Variants in SERINC3 observed in about 807,000 individuals in gnomAD.
SERINC3 encodes serine incorporator 3.
A neutral mutation model predicts 52.1 loss-of-function variants in SERINC3; 22 were observed. That is an observed-to-expected ratio of 0.42 (90% CI 0.30 to 0.60). SERINC3 has a LOEUF of 0.60. Among genes scored for constraint, SERINC3 ranks in the 20% least tolerant of loss-of-function variants. The probability of loss-of-function intolerance (pLI) is 0.16; values close to 1 mark genes in which losing one functional copy is unlikely to be tolerated. For synonymous variants in SERINC3, 226 were observed against 212.7 expected (o/e 1.06, Z -0.54); for missense variants, 564 against 584.6 (o/e 0.96, Z 0.36).
chr20:44,511,209 C>T lies in SERINC3; in HGVS notation c.475+80G>A, dbSNP rs982438763. Reference sequence around the variant, plus strand: ...GCTTACAGGTGTGAGCCACTGCACCCGGCCTAAAATGTAGCTTTAACTCAA... The same window carrying T: ...GCTTACAGGTGTGAGCCACTGCACCTGGCCTAAAATGTAGCTTTAACTCAA... On this transcript the variant is annotated intron_variant, in intron 4 of 9. Coordinates refer to ENST00000342374, the MANE Select transcript of SERINC3 (RefSeq NM_006811.4). 2.1e-5 allele frequency: 22 copies of T among 1,038,856 alleles called. No individual in the cohort carries two copies. Among genetic ancestry groups the T allele is most frequent in the Admixed American group, 1.8e-4 (9 of 50,858 alleles). The allele number at this position is 1,038,856 out of a possible 1,614,324, so 64.4% of individuals were successfully genotyped here.
chr20:44,518,620 A>G (rs1053654713), intron 1 of SERINC3, among the ~76,000 whole-genome samples: 6 of 152,110 alleles, frequency 3.9e-5, no homozygotes, highest in African/African-American at 1.4e-4. Flanking sequence ...AAAGAAACCT[A>G]TTTGTTCTTC....
In SERINC3 at chr20:44,501,216, A is replaced by G. The variant is rs1308336838; in HGVS notation, c.1140T>C (p.Ser380=). The G allele has an allele frequency of 6.2e-7, 1 of 1,614,092 alleles. No homozygotes were observed. The highest frequency in any genetic ancestry group is 1.7e-5 in the Admixed American group (1 of 59,996). ...GTCCATCTTCTTCATCACTGGCACC[A>G]CTGGTAGTTGTATCACCAAGGATGA... ...DSVILGDTTT[S]GASDEEDGQP... Residue 380 remains serine (S), a synonymous_variant, in exon 9 of 10, where the codon AGT becomes AGC. Transcript: ENST00000342374.
At chr20:44,509,035 C>G (rs1324902471) in intron 5 of SERINC3, among the ~76,000 whole-genome samples, 1 of 152,190 alleles carries the variant, frequency 6.6e-6, no homozygotes, top group Non-Finnish European at 1.5e-5. Context: ...TATTCATACA[C>G]TTTGACTCTT....
chr20:44,508,055 T>G (rs1259253139), intron 5 of SERINC3, among the ~76,000 whole-genome samples: 1 of 152,250 alleles, frequency 6.6e-6, no homozygotes, highest in Non-Finnish European at 1.5e-5. Context: ...AATTAAATGA[T>G]GTACATTAAG....
At position 44,498,562 on chromosome 20, in the gene SERINC3, CA is replaced by C. The variant is rs2064261426; in HGVS notation, c.*1733del. The stretch of plus-strand genomic sequence containing the variant: ...TTGCACTCCAGCCTGGGCGACAGAG[CA>C]AGACTCCGTCTCAAAAAAAAAAATT... On this transcript the variant is annotated 3_prime_UTR_variant, in exon 10 of 10. Transcript: ENST00000342374. 6.7e-6 allele frequency: 1 copy of C among 148,712 alleles called. No individual in the cohort carries two copies. Among genetic ancestry groups the C allele is most frequent in the African/African-American group, 2.5e-5 (1 of 40,210 alleles). 9.2% of individuals were successfully genotyped at this position (148,712 alleles called of 1,614,324 possible). A position where few individuals can be genotyped will look rare whatever the true frequency, so the allele number is the denominator to read the frequency against.
intron 3 of SERINC3, among the ~76,000 whole-genome samples, chr20:44,512,241 A>AG (rs981473791): frequency 5.6e-4 from 78 of 139,744 alleles, no homozygotes; most frequent in African/African-American, 2.0e-3. Context: ...TGAACCCGGG[A>AG]GGGGGAGGTT....
rs146595453 is a variant in SERINC3 at position 44,503,949 on chromosome 20, A to G, written c.921T>C (p.Thr307=). Residue 307 remains threonine, a synonymous_variant, in exon 8 of 10, where the codon ACT becomes ACC. Coordinates refer to ENST00000342374, the MANE Select transcript of SERINC3 (RefSeq NM_006811.4). ...AATTTCCAGGAGCCAGGGTTGGTGC[A>G]GTTATGCGTGTAATAAAGCTCATCA... is the stretch of plus-strand genomic sequence containing the variant. The part of the protein sequence containing the change: ...PNLMSFITRI[T]APTLAPGNST... 86 of 1,603,064 alleles carry G rather than the reference A, an allele frequency of 5.4e-5. No individual in the cohort carries two copies. In the African/African-American group the frequency reaches 1.1e-3, roughly 20 times the overall value.
chr20:44,518,318 CAAAAAAAAA>C (rs3091899), intron 1 of SERINC3, among the ~76,000 whole-genome samples: 2 of 87,540 alleles, frequency 2.3e-5, no homozygotes, highest in African/African-American at 8.6e-5. Flanking sequence ...AAATTAGCCT[CAAAAAAAAA>C]AAAAAAAAAA....
chr20:44,511,371 A>G lies in SERINC3; in HGVS notation c.396-3T>C. 1.3e-6 allele frequency: 2 copies of G among 1,598,026 alleles called. No homozygotes were observed. Among genetic ancestry groups the G allele is most frequent in the Non-Finnish European group, 1.7e-6 (2 of 1,165,502 alleles). On this transcript the variant is annotated splice_polypyrimidine_tract_variant and splice_region_variant and intron_variant, in intron 3 of 9. Transcript: ENST00000342374. ...CAGCAATTTTGAAGAACCAAAACCTATTAAAATATAAAAATGCATTTATGA... is the reference window on the plus strand; with the variant it reads ...CAGCAATTTTGAAGAACCAAAACCTGTTAAAATATAAAAATGCATTTATGA...
chr20:44,508,276 G>C (rs1253036367), intron 5 of SERINC3, among the ~76,000 whole-genome samples: 1 of 152,034 alleles, frequency 6.6e-6, no homozygotes, highest in Admixed American at 6.5e-5. Context: ...TTGAGTCCAG[G>C]AGTTCCGGCA....
At chr20:44,510,258 T>C (rs2064339016) in intron 4 of SERINC3, among the ~76,000 whole-genome samples, 1 of 152,150 alleles carries the variant, frequency 6.6e-6, no homozygotes, top group Non-Finnish European at 1.5e-5. Context: ...GGACCTGAGT[T>C]CCAAATGATA....
At chr20:44,507,822 T>C (rs1213841032) in intron 5 of SERINC3, among the ~76,000 whole-genome samples, 2 of 152,232 alleles carry the variant, frequency 1.3e-5, no homozygotes, top group Non-Finnish European at 2.9e-5. Context: ...TGAGCCGAGA[T>C]GGTGCCACTG....
At position 44,504,778 on chromosome 20, in the gene SERINC3, ATG is replaced by A. The variant is rs779284786; in HGVS notation, c.874+21_874+22del. 64 of 1,546,108 alleles carry A rather than the reference ATG, an allele frequency of 4.1e-5. No homozygotes were observed. In the Middle Eastern group the frequency reaches 8.7e-4, roughly 21 times the overall value. On this transcript the variant is annotated intron_variant, in intron 7 of 9. Transcript: ENST00000342374. ...TTCCTACTTTCTTTTTATCAAATGA[ATG>A]TGTTATTGACATTCCCTTACCAGGT... is the stretch of plus-strand genomic sequence containing the variant.
chr20:44,514,579 G>A (rs1027434771), intron 1 of SERINC3, among the ~76,000 whole-genome samples: 3 of 151,908 alleles, frequency 2.0e-5, no homozygotes, highest in Admixed American at 6.6e-5. Flanking sequence ...CTAACACGGT[G>A]AAACCCTGTC....
rs752826082 is a variant in SERINC3 at position 44,509,873 on chromosome 20, G to T, written c.613+18C>A. Reference sequence around the variant, plus strand: ...TAATGTAGCAGTATGGCTAACATAGGTGAGTAGAGATACCTACCAGCATAC... The same window carrying T: ...TAATGTAGCAGTATGGCTAACATAGTTGAGTAGAGATACCTACCAGCATAC... On this transcript the variant is annotated intron_variant, in intron 5 of 9. Coordinates refer to ENST00000342374, the MANE Select transcript of SERINC3 (RefSeq NM_006811.4). 1.9e-6 allele frequency: 3 copies of T among 1,613,104 alleles called. No homozygotes were observed. Among genetic ancestry groups the T allele is most frequent in the South Asian group, 2.2e-5 (2 of 91,060 alleles).
intron 5 of SERINC3, among the ~76,000 whole-genome samples, chr20:44,508,580 A>C (rs2064329014): frequency 6.6e-6 from 1 of 152,240 alleles, no homozygotes; most frequent in South Asian, 2.1e-4. Flanking sequence ...AGGTTAAATA[A>C]ATTATGGTAT....
At position 44,501,132 on chromosome 20, in the gene SERINC3, G is replaced by A; in HGVS notation, c.1224C>T (p.Phe408=). Residue 408 remains phenylalanine, a synonymous_variant, in exon 9 of 10, where the codon TTC becomes TTT. Coordinates refer to ENST00000342374, the MANE Select transcript of SERINC3 (RefSeq NM_006811.4). ...AGGAAGCCAAGCAGAGCATGAGGTGGAATAAGGAGTAGCTATACTGCACTC... is the reference window on the plus strand; with the variant it reads ...AGGAAGCCAAGCAGAGCATGAGGTGAAATAAGGAGTAGCTATACTGCACTC... The part of the protein sequence containing the change: ...KEGVQYSYSL[F]HLMLCLASLY... 6.2e-7 allele frequency: 1 copy of A among 1,614,102 alleles called. No individual in the cohort carries two copies. Among genetic ancestry groups the A allele is most frequent in the Non-Finnish European group, 8.5e-7 (1 of 1,180,008 alleles).
At chr20:44,507,209 C>T (rs1371988339) in intron 5 of SERINC3, among the ~76,000 whole-genome samples, 1 of 152,200 alleles carries the variant, frequency 6.6e-6, no homozygotes, top group East Asian at 1.9e-4. Context: ...CAACTGAATT[C>T]ACTTCCTGAA....
At chr20:44,504,612 T>C (rs2064299768) in intron 7 of SERINC3, among the ~76,000 whole-genome samples, 189 bp downstream of exon 7, 1 of 152,206 alleles carries the variant, frequency 6.6e-6, no homozygotes, top group African/African-American at 2.4e-5. Context: ...CAGTTATAAA[T>C]AGCTATCAAT....
Sources: allele counts gnomAD v4.1 joint callset (sites outside exome capture counted in the v4.1 genomes callset), GRCh38; gene constraint gnomAD v4.1.1; transcripts MANE v1.5; gene names NCBI Gene and HGNC (gene_info 2026-07-23, HGNC 2026-07-21).